The following FYB1 variants were observed in gnomAD, a reference collection of about 807,000 sequenced individuals.
The protein encoded by FYB1 is FYN binding protein 1, also known as FYN-binding protein 1.
FYB1 carries 41 observed loss-of-function variants against 94.1 expected under a neutral mutation model. The ratio of observed to expected loss-of-function variants is 0.44; its 90% CI spans 0.34 to 0.57. The LOEUF (loss-of-function observed/expected upper bound fraction) is 0.57, where lower values mean the gene tolerates loss of function less well. Among genes scored for constraint, FYB1 ranks in the 20% least tolerant of loss-of-function variants. The probability of loss-of-function intolerance (pLI) is 0.02; values close to 1 mark genes in which losing one functional copy is unlikely to be tolerated. For synonymous variants in FYB1, 367 were observed against 353.2 expected, an observed-to-expected ratio of 1.04 and a Z score of -0.44; for missense variants, 1,050 against 976.8, an observed-to-expected ratio of 1.07 and a Z score of -1.00.
chr5:39,212,695 T>C (rs1244919708), intron 1 of FYB1: 2 of 152,220 alleles, frequency 1.3e-5, no homozygotes, highest in African/African-American at 4.8e-5. Flanking sequence ...ATAATGGTGC[T>C]CTTCACTTTG....
rs1054322120 is a variant in FYB1 at position 39,148,535 on chromosome 5, G to A, written c.1292+4913C>T. Among the ~76,000 whole-genome samples the A allele has an allele frequency of 3.3e-5, 5 of 150,972 alleles. No homozygotes were observed. In the South Asian group the frequency reaches 6.3e-4, roughly 19 times the overall value. ...ATGTCTTCCTATATTTAACCCACGA[G>A]GAATTTGAAAACTGACTTGTTTAAG... On this transcript the variant is annotated intron_variant, in intron 3 of 18. Coordinates refer to ENST00000512982, the MANE Select transcript of FYB1 (RefSeq NM_001465.6).
intron 16 of FYB1, among the ~76,000 whole-genome samples, chr5:39,116,549 C>T (rs1680358675): frequency 6.6e-6 from 1 of 152,202 alleles, no homozygotes; most frequent in African/African-American, 2.4e-5. Context: ...TATTGATGTT[C>T]AAATAGAAAA....
chr5:39,215,763 A>C (rs764159205), intron 1 of FYB1, among the ~76,000 whole-genome samples: 9 of 152,208 alleles, frequency 5.9e-5, no homozygotes, highest in Admixed American at 4.6e-4. Context: ...TGGAATGCAG[A>C]TGTTGGTTGC....
intron 2 of FYB1, among the ~76,000 whole-genome samples, chr5:39,162,059 T>C (rs1369741918): frequency 6.6e-6 from 1 of 152,254 alleles, no homozygotes; most frequent in African/African-American, 2.4e-5. Context: ...TTTCATCATA[T>C]GTCACATTTA....
In FYB1 at chr5:39,253,575, G is replaced by A. The variant is rs560856935; in HGVS notation, c.-28+20828C>T. Among the ~76,000 whole-genome samples, 9 of 151,974 alleles carry A rather than the reference G, an allele frequency of 5.9e-5. No homozygotes were observed. In the South Asian group the frequency reaches 6.2e-4, roughly 11 times the overall value. On this transcript the variant is annotated intron_variant, in intron 1 of 1. Transcript: ENST00000510188. ...TTACACAGGTAAATGTGTGTTGTAA[G>A]GTATAGGATTGTTACACAGGTAAAT...
At chr5:39,232,007 C>T (rs188773480) in intron 1 of FYB1, among the ~76,000 whole-genome samples, 6 of 152,104 alleles carry the variant, frequency 3.9e-5, no homozygotes, top group South Asian at 2.1e-4. Context: ...TTCAGGGATA[C>T]GGATGAATTG....
intron 11 of FYB1, among the ~76,000 whole-genome samples, chr5:39,126,494 G>A (rs1251900773): frequency 6.6e-6 from 1 of 151,884 alleles, no homozygotes; most frequent in Non-Finnish European, 1.5e-5. Context: ...CCAGGAGTTT[G>A]AGACAAGCCT....
chr5:39,208,024 AT>A (rs987710417), intron 1 of FYB1, among the ~76,000 whole-genome samples: 2 of 151,664 alleles, frequency 1.3e-5, no homozygotes, highest in Non-Finnish European at 2.9e-5. Context: ...TCTGCTTTTA[AT>A]TTTTTTTTAC....
At chr5:39,270,747 A>G (rs548112660) in intron 1 of FYB1, 2 of 499,258 alleles carry the variant, frequency 4.0e-6, no homozygotes, top group African/African-American at 3.9e-5. Context: ...CTCAACCCTC[A>G]GAGCATTTGT....
chr5:39,122,289 G>A (rs1295984077), intron 14 of FYB1, 47 bp downstream of exon 14: 2 of 1,235,952 alleles, frequency 1.6e-6, no homozygotes, highest in African/African-American at 1.5e-5. Context: ...ATTTTCTTGA[G>A]TATTCTCATT....
At chr5:39,125,863 T>A in intron 12 of FYB1, 135 bp downstream of exon 12, 2 of 849,986 alleles carry the variant, frequency 2.4e-6, no homozygotes, top group East Asian at 2.6e-5. Context: ...GGGGCTAAGA[T>A]GATTAACGGA....
intron 2 of FYB1, among the ~76,000 whole-genome samples, chr5:39,189,810 C>A (rs1343752698): frequency 6.6e-6 from 1 of 152,226 alleles, no homozygotes; most frequent in Non-Finnish European, 1.5e-5. Context: ...CTGTCCTGCA[C>A]ACACATGCCT....
chr5:39,118,598 G>C (rs937952686), intron 16 of FYB1, among the ~76,000 whole-genome samples: 1 of 152,142 alleles, frequency 6.6e-6, no homozygotes, highest in Non-Finnish European at 1.5e-5. Context: ...TTCTGATGCT[G>C]ATGGTCTGTA....
At chr5:39,225,624 T>C (rs1750438843) in intron 1 of FYB1, among the ~76,000 whole-genome samples, 1 of 152,214 alleles carries the variant, frequency 6.6e-6, no homozygotes, top group African/African-American at 2.4e-5. Flanking sequence ...GAAATTTTTC[T>C]TATAAAGTAT....
At chr5:39,271,646 C>T (rs1293773110) in intron 1 of FYB1, among the ~76,000 whole-genome samples, 2 of 152,018 alleles carry the variant, frequency 1.3e-5, no homozygotes, top group Non-Finnish European at 2.9e-5. Context: ...GTTATTTATT[C>T]CTTAAAATAA....
chr5:39,186,870 T>C (rs1363669089), intron 2 of FYB1, among the ~76,000 whole-genome samples: 1 of 152,134 alleles, frequency 6.6e-6, no homozygotes, highest in East Asian at 1.9e-4. Flanking sequence ...AATAATTCTA[T>C]GACATAGTAG....
At chr5:39,261,137 G>A (rs941951357) in intron 1 of FYB1, among the ~76,000 whole-genome samples, 3 of 151,852 alleles carry the variant, frequency 2.0e-5, no homozygotes, top group Non-Finnish European at 1.5e-5. Flanking sequence ...GAGAACATAT[G>A]GACACAGGGA....
At chr5:39,129,200 C>T (rs1740955498) in intron 10 of FYB1, among the ~76,000 whole-genome samples, 1 of 151,904 alleles carries the variant, frequency 6.6e-6, no homozygotes, top group African/African-American at 2.4e-5. Context: ...CAAGAACATA[C>T]ACTGGGGAAA....
At chr5:39,118,167 G>T (rs571103907) in intron 16 of FYB1, among the ~76,000 whole-genome samples, 207 of 152,234 alleles carry the variant, frequency 1.4e-3, no homozygotes, top group African/African-American at 4.8e-3. Context: ...GCCCCGCAAA[G>T]TGCTGGGATT....
Sources: gnomAD v4.1 joint callset for allele counts (sites outside exome capture counted in the v4.1 genomes callset) on GRCh38, gnomAD v4.1.1 for gene constraint, MANE v1.5 for transcripts, NCBI Gene and HGNC (gene_info 2026-07-23, HGNC 2026-07-21) for gene names.